RERE: variants seen among roughly 807,000 people sequenced by gnomAD.
RERE encodes arginine-glutamic acid dipeptide repeats, also known as arginine-glutamic acid dipeptide repeats protein.
A neutral mutation model predicts 146.1 loss-of-function variants in RERE; 40 were observed. That is an observed-to-expected ratio of 0.27 (90% CI 0.21 to 0.36). RERE has a LOEUF of 0.36. Among genes scored for constraint, RERE ranks in the 10% least tolerant of loss-of-function variants. The probability of loss-of-function intolerance (pLI) is 1.00; values close to 1 mark genes in which losing one functional copy is unlikely to be tolerated. For synonymous variants in RERE, 1,003 were observed against 866.0 expected (o/e 1.16, Z -2.78); for missense variants, 1,933 against 2,138.7 (o/e 0.90, Z 1.90).
chr1:8,527,573 C>T (rs963517496), intron 7 of RERE, among the ~76,000 whole-genome samples: 3 of 152,164 alleles, frequency 2.0e-5, no homozygotes, highest in Non-Finnish European at 4.4e-5. Flanking sequence ...ACTATAAAAA[C>T]GGTTACTGTA....
At chr1:8,601,983 A>G (rs570510089) in intron 4 of RERE, among the ~76,000 whole-genome samples, 7 of 152,216 alleles carry the variant, frequency 4.6e-5, no homozygotes, top group Non-Finnish European at 1.0e-4. Flanking sequence ...CCTCACAACA[A>G]AAGTGCACCC....
intron 8 of RERE, among the ~76,000 whole-genome samples, chr1:8,500,652 C>T (rs1220845218): frequency 1.3e-5 from 2 of 152,104 alleles, no homozygotes; most frequent in Non-Finnish European, 2.9e-5. Flanking sequence ...AAGTGAGGAG[C>T]GTCTCTGCCT....
At chr1:8,579,055 C>G (rs913021981) in intron 4 of RERE, among the ~76,000 whole-genome samples, 13 of 152,136 alleles carry the variant, frequency 8.5e-5, no homozygotes, top group Admixed American at 7.2e-4. Context: ...TTGCTTGGAG[C>G]CCCAAAGTTA....
In RERE at chr1:8,361,046, A is replaced by G. The variant is rs897627996; in HGVS notation, c.2461T>C (p.Ser821Pro). The G allele has an allele frequency of 5.6e-6, 8 of 1,424,138 alleles. No individual in the cohort carries two copies. The highest frequency in any genetic ancestry group is 1.9e-4 in the Middle Eastern group (1 of 5,200). 88.2% of individuals were successfully genotyped at this position (1,424,138 alleles called of 1,614,324 possible). A position where few individuals can be genotyped will look rare whatever the true frequency, so the allele number is the denominator to read the frequency against. The change falls in exon 18 of 23, where the codon TCG (serine) becomes CCG (proline). Residue 821 changes from serine (S) to proline (P), a missense_variant. Transcript: ENST00000400908. ...PPSPHPPPHPSPHPPLQPLTG... is the reference protein window; with the variant it reads ...PPSPHPPPHPPPHPPLQPLTG... Reference sequence around the variant, plus strand: ...AGAGGCTGCAGCGGGGGATGTGGCGAGGGATGCGGCGGGGGATGCGGTGAG... The same window carrying G: ...AGAGGCTGCAGCGGGGGATGTGGCGGGGGATGCGGCGGGGGATGCGGTGAG...
chr1:8,643,786 G>C (rs919420825), intron 2 of RERE, among the ~76,000 whole-genome samples: 1 of 152,188 alleles, frequency 6.6e-6, no homozygotes, highest in Non-Finnish European at 1.5e-5. Context: ...GGAACCCCAG[G>C]GGACAGGTGT....
At chr1:8,385,729 T>C (rs1371131368) in intron 12 of RERE, among the ~76,000 whole-genome samples, 1 of 151,044 alleles carries the variant, frequency 6.6e-6, no homozygotes, top group African/African-American at 2.4e-5. Flanking sequence ...AAACACCACT[T>C]TGGCGGATGG....
chr1:8,648,779 T>G (rs944688105), intron 2 of RERE, among the ~76,000 whole-genome samples: 4 of 152,110 alleles, frequency 2.6e-5, no homozygotes, highest in Non-Finnish European at 5.9e-5. Context: ...CACAAACTTA[T>G]ATACATAAAT....
At chr1:8,500,583 G>A (rs1166838208) in intron 8 of RERE, among the ~76,000 whole-genome samples, 1 of 152,220 alleles carries the variant, frequency 6.6e-6, no homozygotes, top group Non-Finnish European at 1.5e-5. Context: ...CCAGCCGCCT[G>A]CCTTGGCCCC....
At chr1:8,470,850 C>T (rs1260949039) in intron 10 of RERE, among the ~76,000 whole-genome samples, 6 of 103,338 alleles carry the variant, frequency 5.8e-5, no homozygotes, top group African/African-American at 7.5e-5. Context: ...GACAGAGTCT[C>T]GCTCTGTCAC....
intron 9 of RERE, 56 bp downstream of exon 9, chr1:8,497,349 A>G: frequency 6.3e-7 from 1 of 1,599,718 alleles, no homozygotes; most frequent in Non-Finnish European, 8.6e-7. Context: ...TTTACTGCCT[A>G]TAATCAGTTC....
intron 12 of RERE, among the ~76,000 whole-genome samples, chr1:8,373,691 G>A (rs577154436): frequency 5.3e-5 from 8 of 152,286 alleles, no homozygotes; most frequent in African/African-American, 1.4e-4. Flanking sequence ...CGCTGCTGCC[G>A]AGTGCAGTCA....
At chr1:8,569,605 C>T (rs1328130732) in intron 4 of RERE, among the ~76,000 whole-genome samples, 1 of 152,112 alleles carries the variant, frequency 6.6e-6, no homozygotes, top group Admixed American at 6.5e-5. Context: ...ATAATATTTC[C>T]TTGAGGTTGG....
In RERE at chr1:8,718,184, TGAAA is replaced by T. The variant is rs554970701; in HGVS notation, c.-144-61747_-144-61744del. ...TAAGAACAAGAGCAAGCACAATGTA[TGAAA>T]GAAAGTAAGCAGTCAATTTACCTTA... On this transcript the variant is annotated intron_variant, in intron 1 of 22. Coordinates refer to ENST00000400908, the MANE Select transcript of RERE (RefSeq NM_001042681.2). 3.9e-4 allele frequency among the ~76,000 whole-genome samples: 59 copies of T among 152,338 alleles called. 2 individuals are homozygous for T. The South Asian group carries it at 0.011, about 29-fold the overall frequency.
intron 7 of RERE, among the ~76,000 whole-genome samples, chr1:8,522,751 C>T (rs1204619290): frequency 6.6e-6 from 1 of 151,930 alleles, no homozygotes; most frequent in Non-Finnish European, 1.5e-5. Flanking sequence ...CAGATGCTTG[C>T]AATCCTAGCT....
intron 2 of RERE, among the ~76,000 whole-genome samples, chr1:8,633,008 A>G (rs182523162): frequency 6.6e-6 from 1 of 152,362 alleles, no homozygotes; most frequent in Non-Finnish European, 1.5e-5. Context: ...GTCAACATTA[A>G]GTGAAATTTA....
intron 1 of RERE, among the ~76,000 whole-genome samples, chr1:8,806,504 G>C (rs1160747326): frequency 6.6e-6 from 1 of 151,952 alleles, no homozygotes; most frequent in Non-Finnish European, 1.5e-5. Flanking sequence ...TGGTGACAGA[G>C]GGAGACTCCA....
intron 4 of RERE, among the ~76,000 whole-genome samples, chr1:8,604,747 A>G (rs1289430086): frequency 6.6e-6 from 1 of 152,114 alleles, no homozygotes; most frequent in African/African-American, 2.4e-5. Flanking sequence ...AATTCAAACT[A>G]GCATTTACGA....
chr1:8,715,506 C>T (rs1569617431), intron 1 of RERE, among the ~76,000 whole-genome samples: 1 of 151,642 alleles, frequency 6.6e-6, no homozygotes, highest in East Asian at 2.0e-4. Context: ...AGCGAAACTC[C>T]GTCTTAATAA....
chr1:8,467,949 A>G (rs1437779103), intron 10 of RERE, among the ~76,000 whole-genome samples: 6 of 152,216 alleles, frequency 3.9e-5, no homozygotes, highest in Admixed American at 3.9e-4. Context: ...CGGCCCAAAC[A>G]TCCATTTTCA....
Sources: gnomAD v4.1 joint callset for allele counts (sites outside exome capture counted in the v4.1 genomes callset) on GRCh38, gnomAD v4.1.1 for gene constraint, MANE v1.5 for transcripts, NCBI Gene and HGNC (gene_info 2026-07-23, HGNC 2026-07-21) for gene names.